ZSCAN29: variants seen among roughly 807,000 people sequenced by gnomAD.
The protein encoded by ZSCAN29 is zinc finger and SCAN domain containing 29.
A neutral mutation model predicts 71.9 loss-of-function variants in ZSCAN29; 55 were observed. The ratio of observed to expected loss-of-function variants is 0.76; its 90% CI spans 0.62 to 0.96. The LOEUF (loss-of-function observed/expected upper bound fraction) is 0.96, where lower values mean the gene tolerates loss of function less well. Ranked by LOEUF, ZSCAN29 falls within the 40% of genes least tolerant of loss-of-function variation. The pLI is 0.00. For missense variants in ZSCAN29, 1,042 were observed against 1,042.2 expected (o/e 1.00, Z 0.00); for synonymous variants, 351 against 371.6 (o/e 0.94, Z 0.64).
At chr15:43,367,180 C>A (rs555716015) in intron 3 of ZSCAN29, among the ~76,000 whole-genome samples, 2 of 152,318 alleles carry the variant, frequency 1.3e-5, no homozygotes, top group East Asian at 3.9e-4. Context: ...AGAAGATTGT[C>A]TTTACCTTAT....
intron 2 of ZSCAN29, 42 bp downstream of exon 2, chr15:43,369,554 C>G (rs1438311952): frequency 6.3e-7 from 1 of 1,574,968 alleles, no homozygotes; most frequent in Admixed American, 1.7e-5. Flanking sequence ...GCCCTCCACC[C>G]AGTATCACAC....
At chr15:43,367,636 G>A (rs1251768714) in intron 3 of ZSCAN29, among the ~76,000 whole-genome samples, 1 of 152,072 alleles carries the variant, frequency 6.6e-6, no homozygotes, top group Non-Finnish European at 1.5e-5. Context: ...AGTTCAGTTC[G>A]GCACATACTT....
intron 3 of ZSCAN29, 58 bp downstream of exon 3, chr15:43,368,865 A>C: frequency 1.3e-6 from 2 of 1,483,242 alleles, no homozygotes; most frequent in Non-Finnish European, 1.8e-6. Context: ...CACTATTCCC[A>C]ACCCTACTTC....
In ZSCAN29 at chr15:43,359,128, G is replaced by C. The variant is rs928081079; in HGVS notation, c.*1945C>G. ...TTTAACCAGTAACCTTCCCTCCTTT[G>C]ACCACTTCCTGCTTCATGAAGCCTT... On this transcript the variant is annotated 3_prime_UTR_variant, in exon 6 of 6. Coordinates refer to ENST00000684362, the MANE Select transcript of ZSCAN29 (RefSeq NM_001372080.1). The C allele has an allele frequency of 6.6e-6, 1 of 152,046 alleles. No individual in the cohort carries two copies. Among genetic ancestry groups the C allele is most frequent in the African/African-American group, 2.4e-5 (1 of 41,380 alleles). The allele number at this position is 152,046 out of a possible 1,614,324, so 9.4% of individuals were successfully genotyped here. A position where few individuals can be genotyped will look rare whatever the true frequency, so the allele number is the denominator to read the frequency against.
In ZSCAN29 at chr15:43,361,492, T is replaced by G; in HGVS notation, c.2140A>C (p.Ser714Arg). 6.2e-7 allele frequency: 1 copy of G among 1,614,118 alleles called. No individual in the cohort carries two copies. Among genetic ancestry groups the G allele is most frequent in the Admixed American group, 1.7e-5 (1 of 60,016 alleles). ...ATGAAATTTGAACTGTCACGGAAACTTTTTCCACAGTCAAGACATTTATAA... is the reference window on the plus strand; with the variant it reads ...ATGAAATTTGAACTGTCACGGAAACGTTTTCCACAGTCAAGACATTTATAA... ...KPYKCLDCGK[S>R]FRDSSNFITH... Residue 714 changes from serine (S) to arginine (R), a missense_variant, in exon 6 of 6, where the codon AGT becomes CGT. By Grantham distance (110) the Ser-to-Arg change is moderately radical (BLOSUM62 -1). Transcript: ENST00000684362.
At chr15:43,369,509 G>T in intron 2 of ZSCAN29, 87 bp downstream of exon 2, 3 of 1,399,368 alleles carry the variant, frequency 2.1e-6, no homozygotes, top group African/African-American at 1.4e-5. Context: ...AAGGGAGACT[G>T]TGTCCCTCTT....
chr15:43,369,132 A>G lies in ZSCAN29; in HGVS notation c.319-5T>C, dbSNP rs769861575. ...CCCCTTCACAGAGACTGTGACCTAG[A>G]AACAACCCCCGTTAATTGTCACTGC... On this transcript the variant is annotated splice_region_variant and splice_polypyrimidine_tract_variant and intron_variant, in intron 2 of 5. Transcript: ENST00000684362. 24 of 1,546,312 alleles carry G rather than the reference A, an allele frequency of 1.6e-5. No homozygotes were observed. The highest frequency in any genetic ancestry group is 1.8e-5 in the Non-Finnish European group (21 of 1,143,456).
chr15:43,363,870 T>C (rs1332396791), intron 5 of ZSCAN29, 45 bp downstream of exon 5: 1 of 1,517,650 alleles, frequency 6.6e-7, no homozygotes, highest in African/African-American at 1.4e-5. Context: ...TAAGTCCCAT[T>C]GTCTTCCCTT....
At chr15:43,368,673 A>G (rs925285540) in intron 3 of ZSCAN29, among the ~76,000 whole-genome samples, 26 of 152,208 alleles carry the variant, frequency 1.7e-4, no homozygotes, top group Admixed American at 1.5e-3. Context: ...TATCTAGAAA[A>G]TAATGACCTA....
At chr15:43,363,479 T>C (rs896999205) in intron 5 of ZSCAN29, among the ~76,000 whole-genome samples, 6 of 152,186 alleles carry the variant, frequency 3.9e-5, no homozygotes, top group Admixed American at 1.3e-4. Context: ...ACAACAGTTA[T>C]CAGATTTTCA....
At chr15:43,362,015 A>C (rs1666911168) in intron 5 of ZSCAN29, 74 bp from the exon 6 acceptor site, 5 of 1,468,804 alleles carry the variant, frequency 3.4e-6, no homozygotes. Flanking sequence ...AAACTTGGGA[A>C]AAACAAGCAT....
chr15:43,369,063 T>C lies in ZSCAN29; in HGVS notation c.383A>G (p.Gln128Arg). 6.2e-7 allele frequency: 1 copy of C among 1,609,000 alleles called. No homozygotes were observed. Among genetic ancestry groups the C allele is most frequent in the East Asian group, 2.2e-5 (1 of 44,668 alleles). ...LEKMTPPKSSQELLSVRQESV... is the reference protein window; with the variant it reads ...LEKMTPPKSSRELLSVRQESV... ...CTCCTGCCGAACACTTAATAACTCT[T>C]GTGATGATTTCGGGGGTGTCATCTT... is the stretch of plus-strand genomic sequence containing the variant. Residue 128 changes from glutamine to arginine, a missense_variant, in exon 3 of 6, where the codon CAA (glutamine) becomes CGA (arginine). Transcript: ENST00000684362.
Position 43,366,154 on chromosome 15 carries a change from T to TG in ZSCAN29, c.1177dup (p.Gln393ProfsTer22), listed in dbSNP as rs749454862. The stretch of plus-strand genomic sequence containing the variant: ...AACAGGTGCAGCTGAGTTGGGGTCC[T>TG]GGGGGGTCGCCTCTAGATCCATGTC... On this transcript the variant is annotated frameshift_variant, in exon 4 of 6. Transcript: ENST00000684362. LOFTEE classifies it high-confidence loss of function. 4 of 1,614,018 alleles carry TG rather than the reference T, an allele frequency of 2.5e-6. No individual in the cohort carries two copies. The African/African-American group carries it at 4.0e-5, about 16-fold the overall frequency.
At position 43,366,753 on chromosome 15, in the gene ZSCAN29, C is replaced by G; in HGVS notation, c.579G>C (p.Trp193Cys). Residue 193 changes from tryptophan to cysteine, a missense_variant, in exon 4 of 6, where the codon TGG becomes TGC. By Grantham distance (215) the Trp-to-Cys change is radical. Transcript: ENST00000684362. ...VVSRLEQGEPWIPDLLGSKEK... is the reference protein window; with the variant it reads ...VVSRLEQGEPCIPDLLGSKEK... Reference sequence around the variant, plus strand: ...CCTTAGAGCCCAGCAGATCTGGGATCCATGGCTCTCCTTGCTCCAACCTGG... The same window carrying G: ...CCTTAGAGCCCAGCAGATCTGGGATGCATGGCTCTCCTTGCTCCAACCTGG... 2 of 1,614,170 alleles carry G rather than the reference C, an allele frequency of 1.2e-6. No homozygotes were observed. Among genetic ancestry groups the G allele is most frequent in the Non-Finnish European group, 1.7e-6 (2 of 1,180,016 alleles).
chr15:43,366,921 G>A lies in ZSCAN29; in HGVS notation c.524-113C>T, dbSNP rs1227858029. The A allele has an allele frequency of 3.8e-6, 4 of 1,056,352 alleles. No homozygotes were observed. In the African/African-American group the frequency reaches 6.4e-5, roughly 17 times the overall value. The allele number at this position is 1,056,352 out of a possible 1,614,324, so 65.4% of individuals were successfully genotyped here. On this transcript the variant is annotated intron_variant, in intron 3 of 5. Transcript: ENST00000684362. Reference sequence around the variant, plus strand: ...AGAGGATTATAAACAAAGTGTCTAGGGAAATGTTTTCAGAAAGTTCAGTGG... The same window carrying A: ...AGAGGATTATAAACAAAGTGTCTAGAGAAATGTTTTCAGAAAGTTCAGTGG...
chr15:43,369,224 G>A, intron 2 of ZSCAN29, 97 bp from the exon 3 acceptor site: 2 of 1,293,238 alleles, frequency 1.5e-6, no homozygotes, highest in East Asian at 5.0e-5. Flanking sequence ...ATCTTTCAGA[G>A]CCATGGCCAG....
chr15:43,369,231 C>T, intron 2 of ZSCAN29, 104 bp from the exon 3 acceptor site: 1 of 1,256,074 alleles, frequency 8.0e-7, no homozygotes, highest in Non-Finnish European at 1.1e-6. Context: ...AGAGCCATGG[C>T]CAGGGTTGTA....
intron 3 of ZSCAN29, among the ~76,000 whole-genome samples, chr15:43,368,525 CAAAAAAAAAAAAAAAAAAA>C (rs759913932): frequency 9.8e-5 from 1 of 10,220 alleles, no homozygotes; most frequent in Non-Finnish European, 1.2e-4. Context: ...GACTCCGTCT[CAAAAAAAAAAAAAAAAAAA>C]AAAAAAAAAA....
In ZSCAN29 at chr15:43,366,410, T is replaced by G; in HGVS notation, c.922A>C (p.Ser308Arg). Residue 308 changes from serine (S) to arginine (R), a missense_variant, in exon 4 of 6, where the codon AGC becomes CGC. Coordinates refer to ENST00000684362, the MANE Select transcript of ZSCAN29 (RefSeq NM_001372080.1). ...CRTKFKGLQKSYRKVKSGHPP... is the reference protein window; with the variant it reads ...CRTKFKGLQKRYRKVKSGHPP... ...TGGCCGCTCTTGACTTTCCGATAGC[T>G]CTTCTGGAGACCTTTGAACTTGGTC... The G allele has an allele frequency of 6.2e-7, 1 of 1,614,116 alleles. No homozygotes were observed.
Sources: allele counts gnomAD v4.1 joint callset (sites outside exome capture counted in the v4.1 genomes callset), GRCh38; gene constraint gnomAD v4.1.1; transcripts MANE v1.5; gene names NCBI Gene and HGNC (gene_info 2026-07-23, HGNC 2026-07-21).